DNAH17: variants seen among roughly 807,000 people sequenced by gnomAD.
DNAH17 encodes the protein axonemal beta dynein heavy chain 17.
A neutral mutation model predicts 485.6 loss-of-function variants in DNAH17; 376 were observed. That is an observed-to-expected ratio of 0.77 (90% CI 0.71 to 0.84). The LOEUF (loss-of-function observed/expected upper bound fraction) is 0.84. Ranked by LOEUF, DNAH17 falls within the 40% of genes least tolerant of loss-of-function variation. The pLI is 0.00. For missense variants in DNAH17, 6,370 were observed against 5,839.3 expected, an observed-to-expected ratio of 1.09 and a Z score of -2.96; for synonymous variants, 3,031 against 2,405.9, an observed-to-expected ratio of 1.26 and a Z score of -7.60.
chr17:78,443,606 G>A (rs1236111594), intron 71 of DNAH17, among the ~76,000 whole-genome samples: 1 of 152,158 alleles, frequency 6.6e-6, no homozygotes, highest in Admixed American at 6.5e-5. Flanking sequence ...CTGGAGCGCA[G>A]TGGCACAATC....
intron 26 of DNAH17, among the ~76,000 whole-genome samples, chr17:78,513,289 C>T (rs183526574): frequency 6.6e-6 from 1 of 152,262 alleles, no homozygotes; most frequent in East Asian, 1.9e-4. Flanking sequence ...CAACATGATA[C>T]AACACATGAC....
intron 44 of DNAH17, among the ~76,000 whole-genome samples, chr17:78,486,986 C>CTTTTTTTTTTTTTTTTTTTTTT (rs200078316): frequency 1.6e-5 from 2 of 128,572 alleles, no homozygotes; most frequent in Non-Finnish European, 1.6e-5. Context: ...CCCCTTGGTG[C>CTTTTTTTTTTTTTTTTTTTTTT]TTTTTTTTTT....
intron 3 of DNAH17, among the ~76,000 whole-genome samples, chr17:78,572,228 G>A (rs1383223019): frequency 1.3e-5 from 2 of 148,482 alleles, no homozygotes; most frequent in Non-Finnish European, 3.0e-5. Context: ...AGGCAGGTGC[G>A]AGGGGACACC....
At chr17:78,550,838 G>T (rs1196941188) in intron 16 of DNAH17, among the ~76,000 whole-genome samples, 3 of 152,186 alleles carry the variant, frequency 2.0e-5, no homozygotes, top group Admixed American at 6.5e-5. Flanking sequence ...TCAAAAGAAA[G>T]ATATTTTGGA....
At chr17:78,497,867 G>T (rs752643921) in intron 37 of DNAH17, among the ~76,000 whole-genome samples, 67 of 152,344 alleles carry the variant, frequency 4.4e-4, no homozygotes, top group Non-Finnish European at 9.1e-4. Context: ...TCTCAGCCGG[G>T]CACAACGGCT....
rs140631869 is a variant in DNAH17 at position 78,560,778 on chromosome 17, C to T, written c.1993G>A (p.Ala665Thr). ...TTGACGTGGATGAGGTTGCTAGCGG[C>T]GTCCCGCAGAATCAGCGGCTGCCCC... is the stretch of plus-strand genomic sequence containing the variant. ...NLGQPLILRDAASNLIHVNFS... is the reference protein window; with the variant it reads ...NLGQPLILRDTASNLIHVNFS... The change falls in exon 13 of 81, where the codon GCC (alanine) becomes ACC (threonine). Residue 665 changes from alanine (A) to threonine (T), a missense_variant. Ala to Thr is a moderately conservative substitution (Grantham distance 58, BLOSUM62 0). Transcript: ENST00000389840. 4.2e-5 allele frequency: 65 copies of T among 1,552,308 alleles called. No individual in the cohort carries two copies. Among genetic ancestry groups the T allele is most frequent in the Middle Eastern group, 3.3e-4 (2 of 5,974 alleles).
intron 21 of DNAH17, among the ~76,000 whole-genome samples, chr17:78,530,006 G>A (rs1046859615): frequency 7.2e-5 from 11 of 152,192 alleles, no homozygotes; most frequent in Non-Finnish European, 1.6e-4. Flanking sequence ...CTGGCACTGT[G>A]CCCATCATGG....
At position 78,502,894 on chromosome 17, in the gene DNAH17, G is replaced by A; in HGVS notation, c.5074C>T (p.Pro1692Ser). The change falls in exon 32 of 81, where the codon CCA (proline) becomes TCA (serine). Residue 1692 changes from proline to serine, a missense_variant. Coordinates refer to ENST00000389840, the MANE Select transcript of DNAH17 (RefSeq NM_173628.4). The part of the protein sequence containing the change: ...KPREQWILDY[P>S]AQVALTCTQI... The stretch of plus-strand genomic sequence containing the variant: ...CCCCACCCGCCTCAGACCTGGGCTG[G>A]GTAGTCCAGGATCCACTGCTCCCTC... 1.9e-6 allele frequency: 3 copies of A among 1,613,864 alleles called. No individual in the cohort carries two copies. In the South Asian group the frequency reaches 3.3e-5, roughly 18 times the overall value.
At chr17:78,425,255 A>G (rs2086389192) in intron 80 of DNAH17, 91 bp downstream of exon 80, 7 of 1,319,112 alleles carry the variant, frequency 5.3e-6, no homozygotes, top group Non-Finnish European at 7.4e-6. Flanking sequence ...GCTCTTGAAC[A>G]GCCTGTCTTT....
rs150140547 is a variant in DNAH17 at position 78,489,764 on chromosome 17, C to T, written c.6818+935G>A. ...ACATCTTTCCTGGAGAGCCCAGCTC[C>T]CCAGCATGGAATATCCTGGGGTTGG... On this transcript the variant is annotated intron_variant, in intron 44 of 80. Transcript: ENST00000389840. 2.2e-3 allele frequency among the ~76,000 whole-genome samples: 328 copies of T among 151,118 alleles called. 2 individuals are homozygous for T. Among genetic ancestry groups the T allele is most frequent in the Middle Eastern group, 0.014 (4 of 294 alleles).
At chr17:78,550,151 G>A (rs1379135642) in intron 16 of DNAH17, among the ~76,000 whole-genome samples, 1 of 152,254 alleles carries the variant, frequency 6.6e-6, no homozygotes, top group African/African-American at 2.4e-5. Context: ...GCGACGTCAT[G>A]CCCACTAGCT....
Position 78,426,766 on chromosome 17 carries a change from A to T in DNAH17, c.12771+160T>A, listed in dbSNP as rs762596351. ...CGCTTCCTGCTAAGGAACGGTCTAGATGAGCTCCCGGGGCTTGTTCTGGAA... is the reference window on the plus strand; with the variant it reads ...CGCTTCCTGCTAAGGAACGGTCTAGTTGAGCTCCCGGGGCTTGTTCTGGAA... On this transcript the variant is annotated intron_variant, in intron 78 of 80. Coordinates refer to ENST00000389840, the MANE Select transcript of DNAH17 (RefSeq NM_173628.4). 4 of 1,281,064 alleles carry T rather than the reference A, an allele frequency of 3.1e-6. No homozygotes were observed. The South Asian group carries it at 5.8e-5, about 18-fold the overall frequency. The allele number at this position is 1,281,064 out of a possible 1,614,324, so 79.4% of individuals were successfully genotyped here. A position where few individuals can be genotyped will look rare whatever the true frequency, so the allele number is the denominator to read the frequency against.
At chr17:78,545,862 G>A (rs927962829) in intron 16 of DNAH17, among the ~76,000 whole-genome samples, 2 of 151,978 alleles carry the variant, frequency 1.3e-5, no homozygotes, top group African/African-American at 4.8e-5. Flanking sequence ...GATTTTGTAT[G>A]GTTAGCTAAA....
chr17:78,456,925 G>C (rs769792194), intron 62 of DNAH17, among the ~76,000 whole-genome samples: 3 of 152,226 alleles, frequency 2.0e-5, no homozygotes, highest in Non-Finnish European at 2.9e-5. Context: ...GCCTGGAACA[G>C]ACTCAGCCCC....
At chr17:78,547,691 C>G (rs1230438216) in intron 16 of DNAH17, among the ~76,000 whole-genome samples, 1 of 150,906 alleles carries the variant, frequency 6.6e-6, no homozygotes, top group Non-Finnish European at 1.5e-5. Flanking sequence ...GACCTCAGCT[C>G]ACTGCAACCT....
At chr17:78,541,826 A>G (rs948999266) in intron 17 of DNAH17, among the ~76,000 whole-genome samples, 2 of 152,188 alleles carry the variant, frequency 1.3e-5, no homozygotes, top group African/African-American at 4.8e-5. Context: ...GAGAGTGTTA[A>G]CAAGCTAATC....
intron 40 of DNAH17, 26 bp downstream of exon 40, chr17:78,494,567 C>G (rs769832761): frequency 6.2e-7 from 1 of 1,610,598 alleles, no homozygotes; most frequent in Admixed American, 1.7e-5. Flanking sequence ...CTTCTCCGGA[C>G]AGACCTGAGA....
At chr17:78,546,350 A>C (rs1354436831) in intron 16 of DNAH17, among the ~76,000 whole-genome samples, 1 of 152,240 alleles carries the variant, frequency 6.6e-6, no homozygotes, top group East Asian at 1.9e-4. Flanking sequence ...TCTTGGAAGT[A>C]GCATATAACT....
intron 67 of DNAH17, 26 bp downstream of exon 67, chr17:78,450,656 G>C (rs1280365647): frequency 1.2e-6 from 2 of 1,600,842 alleles, no homozygotes; most frequent in Admixed American, 3.4e-5. Context: ...CTGGCTGCCA[G>C]GGCACGTCAC....
Sources: allele counts gnomAD v4.1 joint callset (sites outside exome capture counted in the v4.1 genomes callset), GRCh38; gene constraint gnomAD v4.1.1; transcripts MANE v1.5; gene names NCBI Gene and HGNC (gene_info 2026-07-23, HGNC 2026-07-21).